Variants in IL1RAPL2 observed in about 807,000 individuals in gnomAD.
IL1RAPL2 encodes X-linked interleukin-1 receptor accessory protein-like 2.
A neutral mutation model predicts 44.1 loss-of-function variants in IL1RAPL2; 3 were observed. The observed-to-expected ratio is 0.07, with a 90% CI of 0.03 to 0.18. The LOEUF is 0.18. Ranked by LOEUF, IL1RAPL2 falls within the 10% of genes least tolerant of loss-of-function variation. The pLI, the probability that IL1RAPL2 is intolerant of heterozygous loss-of-function variation, is 1.00. For missense variants in IL1RAPL2, 391 were observed against 496.4 expected (o/e 0.79, Z 2.02); for synonymous variants, 181 against 178.8 (o/e 1.01, Z -0.10).
In IL1RAPL2 at chrX:105,635,696, T is replaced by G. The variant is rs2037518650; in HGVS notation, c.773-81671T>G. 9.8e-5 allele frequency among the ~76,000 whole-genome samples: 11 copies of G among 111,857 alleles called. No homozygotes were observed. The South Asian group carries it at 3.7e-3, about 37-fold the overall frequency. ...CTGAAATTTATAGAACTTAAAAAAC[T>G]TGATCAAGACCTCATAGCTAGTTAA... On this transcript the variant is annotated intron_variant, in intron 6 of 10. Transcript: ENST00000372582.
chrX:105,561,969 A>G (rs1459315673), intron 6 of IL1RAPL2, among the ~76,000 whole-genome samples: 1 of 111,599 alleles, frequency 9.0e-6, no homozygotes, highest in Non-Finnish European at 1.9e-5. Flanking sequence ...TGTGAGGAGT[A>G]GCACTTCAGT....
intron 2 of IL1RAPL2, among the ~76,000 whole-genome samples, chrX:105,153,706 G>A (rs1415765072): frequency 9.0e-6 from 1 of 111,489 alleles, no homozygotes; most frequent in African/African-American, 3.3e-5. Flanking sequence ...CCCAAAGCAG[G>A]GGCTTCCAGG....
At chrX:105,062,452 AG>A (rs2147533155) in intron 2 of IL1RAPL2, among the ~76,000 whole-genome samples, 2 of 111,670 alleles carry the variant, frequency 1.8e-5, no homozygotes, top group Admixed American at 1.9e-4. Flanking sequence ...TTGCTATTTA[AG>A]GTAAGAGTAG....
In IL1RAPL2 at chrX:104,869,072, A is replaced by C. The variant is rs369495607; in HGVS notation, c.82+210077A>C. ...TCAACTTTTCTTGGGCCTCGGTATAACTTTCTGGCCAATTCTTGAAGTTCT... is the reference window on the plus strand; with the variant it reads ...TCAACTTTTCTTGGGCCTCGGTATACCTTTCTGGCCAATTCTTGAAGTTCT... On this transcript the variant is annotated intron_variant, in intron 2 of 10. Transcript: ENST00000372582. Among the ~76,000 whole-genome samples, 162 of 111,673 alleles carry C rather than the reference A, an allele frequency of 1.5e-3. 1 individual carries two copies. Among genetic ancestry groups the C allele is most frequent in the African/African-American group, 4.9e-3 (150 of 30,821 alleles).
chrX:104,585,134 CAT>C (rs1438080561), intron 1 of IL1RAPL2, among the ~76,000 whole-genome samples: 10 of 54,217 alleles, frequency 1.8e-4, no homozygotes, highest in East Asian at 5.9e-4. Flanking sequence ...CACAAAAAGA[CAT>C]ATATACACAC....
At chrX:104,947,752 T>C (rs1476590879) in intron 2 of IL1RAPL2, among the ~76,000 whole-genome samples, 15 of 111,571 alleles carry the variant, frequency 1.3e-4, no homozygotes, top group African/African-American at 3.9e-4. Context: ...TTTCTCAGGG[T>C]TCTGTTCTGT....
chrX:105,628,248 A>G (rs773471716), intron 6 of IL1RAPL2, among the ~76,000 whole-genome samples: 1 of 111,480 alleles, frequency 9.0e-6, no homozygotes, highest in African/African-American at 3.3e-5. Context: ...AAATATGTTC[A>G]AAAATGAAGA....
chrX:105,591,753 C>A (rs1281475558), intron 6 of IL1RAPL2, among the ~76,000 whole-genome samples: 2 of 111,607 alleles, frequency 1.8e-5, no homozygotes, highest in Non-Finnish European at 3.8e-5. Flanking sequence ...GTACTGATTT[C>A]TATTTTTACT....
At chrX:105,044,425 C>G (rs1286491979) in intron 2 of IL1RAPL2, among the ~76,000 whole-genome samples, 2 of 110,510 alleles carry the variant, frequency 1.8e-5, no homozygotes, top group Non-Finnish European at 3.8e-5. Context: ...AAAAAAAAGA[C>G]TGAGTAGGAA....
rs768570544 is a variant in IL1RAPL2 at position 105,758,306 on chromosome X, T to C, written c.1363+2959T>C. The stretch of plus-strand genomic sequence containing the variant: ...CCATTCATATTTAATGTCTTCACTT[T>C]TGATGTATCTTCAGTCTTTTTGTAC... On this transcript the variant is annotated intron_variant, in intron 10 of 10. Transcript: ENST00000372582. Among the ~76,000 whole-genome samples, 3 of 112,025 alleles carry C rather than the reference T, an allele frequency of 2.7e-5. No individual in the cohort carries two copies. In the East Asian group the frequency reaches 8.5e-4, roughly 32 times the overall value.
intron 7 of IL1RAPL2, among the ~76,000 whole-genome samples, chrX:105,739,111 A>G (rs1224151994): frequency 9.0e-6 from 1 of 110,954 alleles, no homozygotes; most frequent in Non-Finnish European, 1.9e-5. Flanking sequence ...CCCCTTCTTT[A>G]CACCTTTACC....
intron 5 of IL1RAPL2, among the ~76,000 whole-genome samples, chrX:105,431,080 C>T (rs1018349261): frequency 2.4e-4 from 27 of 111,946 alleles, no homozygotes; most frequent in Admixed American, 2.3e-3. Flanking sequence ...TTTAATGAAG[C>T]AAAGCAATTT....
At chrX:104,786,761 A>G (rs1034353287) in intron 2 of IL1RAPL2, among the ~76,000 whole-genome samples, 1 of 111,757 alleles carries the variant, frequency 8.9e-6, no homozygotes, top group Non-Finnish European at 1.9e-5. Context: ...AGCTAGGGGA[A>G]CGAGACAAAC....
At chrX:105,207,481 A>T (rs1216234974) in intron 3 of IL1RAPL2, among the ~76,000 whole-genome samples, 1 of 111,852 alleles carries the variant, frequency 8.9e-6, no homozygotes, top group Non-Finnish European at 1.9e-5. Context: ...TCATTGTTTG[A>T]CATTACTATC....
chrX:104,766,089 T>C (rs924509005), intron 2 of IL1RAPL2, among the ~76,000 whole-genome samples: 1 of 111,963 alleles, frequency 8.9e-6, no homozygotes, highest in Admixed American at 9.4e-5. Flanking sequence ...GTCAGAGGGA[T>C]CTTGTGGCTC....
intron 6 of IL1RAPL2, among the ~76,000 whole-genome samples, chrX:105,639,425 AT>A (rs1372856122): frequency 9.0e-6 from 1 of 111,315 alleles, no homozygotes; most frequent in Non-Finnish European, 1.9e-5. Context: ...AGATGTGAAC[AT>A]CGGTGCAGCA....
chrX:105,044,077 T>G (rs2031802364), intron 2 of IL1RAPL2, among the ~76,000 whole-genome samples: 1 of 111,523 alleles, frequency 9.0e-6, no homozygotes, highest in Non-Finnish European at 1.9e-5. Context: ...CTAAATGCAT[T>G]AAACCTTGTA....
At chrX:104,917,204 T>A (rs1016165789) in intron 2 of IL1RAPL2, among the ~76,000 whole-genome samples, 2 of 111,441 alleles carry the variant, frequency 1.8e-5, no homozygotes, top group African/African-American at 6.5e-5. Flanking sequence ...GGTCCTGGAC[T>A]TTTTTTGGTT....
intron 2 of IL1RAPL2, among the ~76,000 whole-genome samples, chrX:105,137,111 G>A (rs1299304149): frequency 8.9e-6 from 1 of 111,907 alleles, no homozygotes; most frequent in African/African-American, 3.2e-5. Context: ...AATACCAGAT[G>A]TCCTAAGGCA....
Sources: gnomAD v4.1 joint callset for allele counts (sites outside exome capture counted in the v4.1 genomes callset) on GRCh38, gnomAD v4.1.1 for gene constraint, MANE v1.5 for transcripts, NCBI Gene and HGNC (gene_info 2026-07-23, HGNC 2026-07-21) for gene names.